Variants in ERBB4 observed in about 807,000 individuals in gnomAD.
ERBB4 encodes the protein receptor tyrosine-protein kinase erbB-4.
In ERBB4, 42 loss-of-function variants were observed where a neutral mutation model predicts 158.0. The observed-to-expected ratio is 0.27, with a 90% CI of 0.21 to 0.34. The LOEUF (loss-of-function observed/expected upper bound fraction) is 0.34, where lower values mean the gene tolerates loss of function less well. Among genes scored for constraint, ERBB4 ranks in the 10% least tolerant of loss-of-function variants. The probability of loss-of-function intolerance (pLI) is 1.00; values close to 1 mark genes in which losing one functional copy is unlikely to be tolerated. For synonymous variants in ERBB4, 583 were observed against 558.7 expected (o/e 1.04, Z -0.61); for missense variants, 1,333 against 1,624.1 (o/e 0.82, Z 3.08).
chr2:211,845,565 C>G (rs1575236000), intron 3 of ERBB4, among the ~76,000 whole-genome samples: 1 of 152,112 alleles, frequency 6.6e-6, no homozygotes, highest in East Asian at 1.9e-4. Flanking sequence ...GCCTTGATCA[C>G]AGGTTGCTGG....
rs201872526 is a variant in ERBB4, at chr2:211,722,450, C to G, written c.826G>C (p.Glu276Gln). 31 of 1,613,588 alleles carry G rather than the reference C, an allele frequency of 1.9e-5. No homozygotes were observed. Among genetic ancestry groups the G allele is most frequent in the Non-Finnish European group, 2.5e-5 (30 of 1,179,688 alleles). ...GTGTACTTTGCATTGAAATTGTGCT[C>G]CAGTTGAAAGGTGGTTGGATTGTAG... is the stretch of plus-strand genomic sequence containing the variant. ...FVYNPTTFQL[E>Q]HNFNAKYTYG... is the part of the protein sequence containing the mutation. The change falls in exon 7 of 28, where the codon GAG (glutamate) becomes CAG (glutamine). Residue 276 changes from glutamate to glutamine, a missense_variant. Physicochemically the swap from Glu to Gln is conservative, Grantham distance 29. Coordinates refer to ENST00000342788, the MANE Select transcript of ERBB4 (RefSeq NM_005235.3).
chr2:212,133,427 T>TG (rs1268893650), intron 1 of ERBB4, among the ~76,000 whole-genome samples: 5 of 150,598 alleles, frequency 3.3e-5, no homozygotes, highest in African/African-American at 1.2e-4. Context: ...GTTTTTGTTT[T>TG]TTTTTTTGCT....
At chr2:212,408,430 A>G (rs1366607327) in intron 1 of ERBB4, among the ~76,000 whole-genome samples, 1 of 152,140 alleles carries the variant, frequency 6.6e-6, no homozygotes, top group Non-Finnish European at 1.5e-5. Context: ...TTGTAATACA[A>G]TGGGTTCCCA....
At chr2:211,728,181 T>C (rs2074326312) in intron 5 of ERBB4, among the ~76,000 whole-genome samples, 1 of 151,834 alleles carries the variant, frequency 6.6e-6, no homozygotes, top group Non-Finnish European at 1.5e-5. Flanking sequence ...TTTCTCTCTC[T>C]TTCTTTCATC....
At chr2:211,454,124 A>G (rs1452781781) in intron 20 of ERBB4, among the ~76,000 whole-genome samples, 2 of 152,190 alleles carry the variant, frequency 1.3e-5, no homozygotes, top group Non-Finnish European at 2.9e-5. Flanking sequence ...GATACATTCT[A>G]TCAGTTTTTT....
chr2:211,705,017 C>T (rs2073385633), intron 10 of ERBB4, among the ~76,000 whole-genome samples: 1 of 152,180 alleles, frequency 6.6e-6, no homozygotes, highest in Middle Eastern at 3.4e-3. Context: ...AGTGCAGCAG[C>T]GTGATCTTGG....
At chr2:212,247,313 C>T (rs1366253682) in intron 1 of ERBB4, among the ~76,000 whole-genome samples, 4 of 152,008 alleles carry the variant, frequency 2.6e-5, no homozygotes, top group African/African-American at 9.6e-5. Flanking sequence ...ACCTTTATGC[C>T]CTCATCTATT....
chr2:211,444,410 T>A (rs1445076423), intron 20 of ERBB4, among the ~76,000 whole-genome samples: 1 of 152,062 alleles, frequency 6.6e-6, no homozygotes, highest in Non-Finnish European at 1.5e-5. Flanking sequence ...AATTAAATAT[T>A]TTGTGTTACT....
At chr2:211,551,565 CT>C (rs2067098316) in intron 20 of ERBB4, among the ~76,000 whole-genome samples, 1 of 152,140 alleles carries the variant, frequency 6.6e-6, no homozygotes, top group Non-Finnish European at 1.5e-5. Context: ...TATTAAATGT[CT>C]CTATTACATG....
intron 1 of ERBB4, among the ~76,000 whole-genome samples, chr2:212,153,121 G>A (rs562196628): frequency 4.6e-5 from 7 of 152,232 alleles, no homozygotes; most frequent in Middle Eastern, 3.4e-3. Flanking sequence ...GCATTACTGT[G>A]GATAATGTTA....
chr2:211,656,495 T>C (rs1168296989), intron 16 of ERBB4, among the ~76,000 whole-genome samples: 2 of 152,232 alleles, frequency 1.3e-5, no homozygotes, highest in South Asian at 2.1e-4. Flanking sequence ...TCAGGTTGAT[T>C]GAAGTATAAT....
At chr2:212,190,368 C>G (rs2082150400) in intron 1 of ERBB4, among the ~76,000 whole-genome samples, 1 of 152,182 alleles carries the variant, frequency 6.6e-6, no homozygotes. Context: ...AACCCCGTCT[C>G]TACTGAAAAT....
At chr2:211,890,222 C>A (rs1331328102) in intron 3 of ERBB4, among the ~76,000 whole-genome samples, 6 of 90,452 alleles carry the variant, frequency 6.6e-5, no homozygotes, top group African/African-American at 9.4e-5. Context: ...AGAAACCCTA[C>A]AAGCCAGAAG....
chr2:212,524,466 T>C (rs1361410197), intron 1 of ERBB4, among the ~76,000 whole-genome samples: 1 of 151,984 alleles, frequency 6.6e-6, no homozygotes, highest in Non-Finnish European at 1.5e-5. Flanking sequence ...ATTCAAACTA[T>C]TGTGAGTACT....
intron 2 of ERBB4, among the ~76,000 whole-genome samples, chr2:212,120,341 A>C (rs539174433): frequency 6.6e-6 from 1 of 152,298 alleles, no homozygotes; most frequent in African/African-American, 2.4e-5. Context: ...TCTTATTCCC[A>C]CATACCTGGC....
rs71397171 is a variant in ERBB4, at chr2:212,537,132, AGGCGGC to A, written c.82+1311_82+1316del. On this transcript the variant is annotated intron_variant, in intron 1 of 27. Transcript: ENST00000342788. ...TAACTTGTTATTTACTAGGCAAAGG[AGGCGGC>A]GGCGGCGGCGGCGGCGGAGCGGGAA... 6.5e-3 allele frequency among the ~76,000 whole-genome samples: 647 copies of A among 99,528 alleles called. 3 individuals are homozygous for A. The highest frequency in any genetic ancestry group is 0.013 in the Middle Eastern group (3 of 226). 65.3% of individuals were successfully genotyped at this position (99,528 alleles called of 152,430 possible).
chr2:211,653,766 C>T (rs1211052100), intron 16 of ERBB4, among the ~76,000 whole-genome samples: 1 of 152,066 alleles, frequency 6.6e-6, no homozygotes, highest in Non-Finnish European at 1.5e-5. Context: ...CCTCTGCCTC[C>T]CAGGTTCAAG....
At chr2:212,330,212 G>C (rs1317787762) in intron 1 of ERBB4, among the ~76,000 whole-genome samples, 2 of 104,904 alleles carry the variant, frequency 1.9e-5, no homozygotes, top group Non-Finnish European at 4.0e-5. Context: ...GGGTTGTGCT[G>C]TATCTGTGTT....
chr2:212,154,589 C>T (rs2080976456), intron 1 of ERBB4, among the ~76,000 whole-genome samples: 1 of 152,112 alleles, frequency 6.6e-6, no homozygotes, highest in South Asian at 2.1e-4. Flanking sequence ...TGGATTTACT[C>T]ACTGCAAACC....
Sources: gnomAD v4.1 joint callset for allele counts (sites outside exome capture counted in the v4.1 genomes callset) on GRCh38, gnomAD v4.1.1 for gene constraint, MANE v1.5 for transcripts, NCBI Gene and HGNC (gene_info 2026-07-23, HGNC 2026-07-21) for gene names.